Variants in CDH18 observed in about 807,000 individuals in gnomAD.
The protein encoded by CDH18 is cadherin 18.
A neutral mutation model predicts 67.9 loss-of-function variants in CDH18; 31 were observed. The ratio of observed to expected loss-of-function variants is 0.46; its 90% CI spans 0.34 to 0.62. The LOEUF is 0.62. Among genes scored for constraint, CDH18 ranks in the 20% least tolerant of loss-of-function variants. The pLI is 0.01. For missense variants in CDH18, 890 were observed against 975.5 expected, an observed-to-expected ratio of 0.91 and a Z score of 1.17; for synonymous variants, 362 against 347.2, an observed-to-expected ratio of 1.04 and a Z score of -0.48.
intron 2 of CDH18, among the ~76,000 whole-genome samples, chr5:20,252,797 C>A (rs1050825120): frequency 4.0e-5 from 6 of 151,894 alleles, no homozygotes; most frequent in African/African-American, 1.2e-4. Context: ...ATTAGCCGGG[C>A]GTGGTGGTGG....
chr5:20,012,484 T>C (rs1241023457), intron 2 of CDH18, among the ~76,000 whole-genome samples: 1 of 151,844 alleles, frequency 6.6e-6, no homozygotes, highest in African/African-American at 2.4e-5. Flanking sequence ...TTGTTGAAGC[T>C]GAGAGCCAAA....
intron 7 of CDH18, 67 bp downstream of exon 7, chr5:19,590,990 C>G (rs992781194): frequency 2.1e-5 from 21 of 976,820 alleles, no homozygotes; most frequent in Non-Finnish European, 3.2e-5. Context: ...ATTCATGCCT[C>G]TGCCAAATTT....
chr5:19,940,710 G>C (rs1017204821), intron 2 of CDH18, among the ~76,000 whole-genome samples: 1 of 151,746 alleles, frequency 6.6e-6, no homozygotes, highest in Non-Finnish European at 1.5e-5. Context: ...CATCTCCTCA[G>C]AGAAGGGTCC....
intron 2 of CDH18, among the ~76,000 whole-genome samples, chr5:19,876,662 A>G (rs1787043276): frequency 7.7e-6 from 1 of 129,482 alleles, no homozygotes. Context: ...TTATCCAGGA[A>G]TCTTTAACTT....
intron 2 of CDH18, among the ~76,000 whole-genome samples, chr5:20,093,222 C>CACACATAA (rs1223750683): frequency 6.6e-6 from 1 of 151,938 alleles, no homozygotes; most frequent in Non-Finnish European, 1.5e-5. Context: ...CACATACACA[C>CACACATAA]ACACATAAAC....
At chr5:20,566,698 G>A (rs1758534954) in intron 1 of CDH18, among the ~76,000 whole-genome samples, 1 of 151,656 alleles carries the variant, frequency 6.6e-6, no homozygotes, top group African/African-American at 2.4e-5. Flanking sequence ...TTAAAGCCAG[G>A]AGCTTACATG....
chr5:19,518,817 T>C (rs1269563468), intron 10 of CDH18, among the ~76,000 whole-genome samples: 2 of 152,202 alleles, frequency 1.3e-5, no homozygotes, highest in Non-Finnish European at 2.9e-5. Context: ...CACCTTGTGA[T>C]GGTGTGTGAG....
At chr5:19,948,561 G>T (rs1795488257) in intron 2 of CDH18, among the ~76,000 whole-genome samples, 1 of 152,146 alleles carries the variant, frequency 6.6e-6, no homozygotes, top group Non-Finnish European at 1.5e-5. Context: ...GCACAAGGGA[G>T]GCTTGTGCTA....
At chr5:20,363,265 C>T (rs981175100) in intron 1 of CDH18, among the ~76,000 whole-genome samples, 8 of 151,700 alleles carry the variant, frequency 5.3e-5, no homozygotes, top group Admixed American at 2.0e-4. Flanking sequence ...AGGGTGAATC[C>T]CCTGAGGTCA....
chr5:20,324,968 G>A (rs1018161886), intron 1 of CDH18, among the ~76,000 whole-genome samples: 1 of 152,052 alleles, frequency 6.6e-6, no homozygotes. Flanking sequence ...ATTTGTATGA[G>A]AATCATGATT....
At position 19,966,415 on chromosome 5, in the gene CDH18, G is replaced by A. The variant is rs74845130; in HGVS notation, c.-257+14645C>T. On this transcript the variant is annotated intron_variant, in intron 2 of 12. Coordinates refer to ENST00000382275, the MANE Select transcript of CDH18 (RefSeq NM_004934.5). Reference sequence around the variant, plus strand: ...ATAAATCTGGATAAGAAAGAGAAAGGTTTATCACATTCAATGTTATATCAG... The same window carrying A: ...ATAAATCTGGATAAGAAAGAGAAAGATTTATCACATTCAATGTTATATCAG... Among the ~76,000 whole-genome samples, 641 of 152,122 alleles carry A rather than the reference G, an allele frequency of 4.2e-3. 5 individuals are homozygous for A. Among genetic ancestry groups the A allele is most frequent in the African/African-American group, 0.014 (580 of 41,528 alleles).
intron 2 of CDH18, among the ~76,000 whole-genome samples, chr5:20,169,145 G>A (rs932292645): frequency 6.6e-6 from 1 of 152,094 alleles, no homozygotes; most frequent in Non-Finnish European, 1.5e-5. Context: ...TACTTGGATT[G>A]TTTGTAACAT....
intron 1 of CDH18, among the ~76,000 whole-genome samples, chr5:20,479,217 A>T (rs969816569): frequency 2.0e-5 from 3 of 152,170 alleles, no homozygotes; most frequent in Non-Finnish European, 2.9e-5. Context: ...ACATTGACAA[A>T]CATCCATGTG....
intron 2 of CDH18, among the ~76,000 whole-genome samples, chr5:20,095,504 AGGG>A (rs1561786468): frequency 1.6e-5 from 2 of 123,968 alleles, no homozygotes; most frequent in Admixed American, 8.3e-5. Context: ...GGAGGGAGGG[AGGG>A]AGGATGGAAG....
At chr5:19,822,814 G>A (rs1466028418) in intron 3 of CDH18, among the ~76,000 whole-genome samples, 4 of 152,170 alleles carry the variant, frequency 2.6e-5, no homozygotes, top group Non-Finnish European at 5.9e-5. Flanking sequence ...CAGGATTTGA[G>A]AGGAGGCAAC....
chr5:20,055,588 G>A (rs1741827985), intron 2 of CDH18, among the ~76,000 whole-genome samples: 1 of 152,186 alleles, frequency 6.6e-6, no homozygotes, highest in Admixed American at 6.5e-5. Context: ...GGCTAAGTGT[G>A]CATTTATAAA....
intron 12 of CDH18, among the ~76,000 whole-genome samples, chr5:19,481,556 A>G (rs1487614588): frequency 6.6e-6 from 1 of 152,116 alleles, no homozygotes; most frequent in Non-Finnish European, 1.5e-5. Flanking sequence ...CATCTTTTGC[A>G]AATTGAAGAT....
intron 2 of CDH18, among the ~76,000 whole-genome samples, chr5:20,246,161 A>C (rs1743362801): frequency 6.6e-6 from 1 of 152,232 alleles, no homozygotes; most frequent in African/African-American, 2.4e-5. Context: ...TGAGTTAATT[A>C]TATAATGTAT....
intron 5 of CDH18, among the ~76,000 whole-genome samples, chr5:19,641,424 T>A (rs771809980): frequency 6.6e-6 from 1 of 151,990 alleles, no homozygotes. Context: ...TTGAAGAACA[T>A]AGATGCAAAC....
Sources: allele counts gnomAD v4.1 joint callset (sites outside exome capture counted in the v4.1 genomes callset), GRCh38; gene constraint gnomAD v4.1.1; transcripts MANE v1.5; gene names NCBI Gene and HGNC (gene_info 2026-07-23, HGNC 2026-07-21).